Variants in CD82 observed in about 807,000 individuals in gnomAD.
The protein encoded by CD82 is CD82 molecule, also known as CD82 antigen.
Under a neutral mutation model 37.4 loss-of-function variants are expected in CD82, and 36 were observed. The ratio of observed to expected loss-of-function variants is 0.96; its 90% CI spans 0.74 to 1.27. The LOEUF (loss-of-function observed/expected upper bound fraction) is 1.27, where lower values mean the gene tolerates loss of function less well. CD82 is among the 50% of genes most tolerant of loss of function. CD82 has a pLI of 0.00. For synonymous variants in CD82, 158 were observed against 137.4 expected (o/e 1.15, Z -1.05); for missense variants, 340 against 347.0 (o/e 0.98, Z 0.16).
At chr11:44,603,553 G>A (rs1853343661) in intron 4 of CD82, among the ~76,000 whole-genome samples, 1 of 152,134 alleles carries the variant, frequency 6.6e-6, no homozygotes, top group African/African-American at 2.4e-5. Flanking sequence ...GTCTTGGTCG[G>A]GTTGTAACGG....
intron 2 of CD82, among the ~76,000 whole-genome samples, 185 bp from the exon 3 acceptor site, chr11:44,594,458 C>T (rs1417270235): frequency 1.3e-5 from 2 of 152,180 alleles, no homozygotes; most frequent in Non-Finnish European, 2.9e-5. Context: ...GCATCAAGTG[C>T]CTGGCACACA....
intron 1 of CD82, among the ~76,000 whole-genome samples, chr11:44,569,298 G>C (rs1267380344): frequency 6.6e-6 from 1 of 152,164 alleles, no homozygotes; most frequent in African/African-American, 2.4e-5. Flanking sequence ...AACAGGCCCA[G>C]CTGGTGTCTC....
chr11:44,585,801 C>T (rs1853046111), intron 1 of CD82, among the ~76,000 whole-genome samples: 1 of 152,216 alleles, frequency 6.6e-6, no homozygotes, highest in African/African-American at 2.4e-5. Context: ...TCATGCTTAG[C>T]CCAAGCTGCC....
At chr11:44,564,749 C>T (rs1852703047), upstream of CD82, among the ~76,000 whole-genome samples, 1 of 152,206 alleles carries the variant, frequency 6.6e-6, no homozygotes, top group Admixed American at 6.5e-5. Context: ...TTGTTCTGGG[C>T]TACTTCCCCA....
chr11:44,568,308 G>A (rs928135242), intron 1 of CD82, among the ~76,000 whole-genome samples: 2 of 152,192 alleles, frequency 1.3e-5, no homozygotes, highest in Non-Finnish European at 2.9e-5. Flanking sequence ...GGCACCATTG[G>A]AGGGGTGGGA....
intron 3 of CD82, 61 bp from the exon 4 acceptor site, chr11:44,600,097 G>T: frequency 6.4e-7 from 1 of 1,557,522 alleles, no homozygotes; most frequent in Non-Finnish European, 8.9e-7. Context: ...TCCAGGGACA[G>T]CTGGCAGGGG....
chr11:44,595,845 G>A (rs1472797945), intron 3 of CD82, among the ~76,000 whole-genome samples: 2 of 144,672 alleles, frequency 1.4e-5, no homozygotes, highest in East Asian at 4.1e-4. Context: ...CAAGGCAGGA[G>A]GATTGTTTGA....
At chr11:44,568,683 C>T (rs78327435) in intron 1 of CD82, among the ~76,000 whole-genome samples, 7,359 of 152,248 alleles carry the variant, frequency 0.048, 209 homozygotes, top group African/African-American at 0.066. Flanking sequence ...ATTTTGGCTT[C>T]CCTGGGCTCC....
At chr11:44,617,388 G>A (rs914842151) in intron 7 of CD82, among the ~76,000 whole-genome samples, 3 of 151,920 alleles carry the variant, frequency 2.0e-5, no homozygotes, top group Non-Finnish European at 4.4e-5. Context: ...GTGAAACCCC[G>A]TCTCTACTAA....
chr11:44,573,609 T>C (rs1852846000), intron 1 of CD82, among the ~76,000 whole-genome samples: 1 of 152,240 alleles, frequency 6.6e-6, no homozygotes, highest in African/African-American at 2.4e-5. Flanking sequence ...TCTTATCTGC[T>C]TTCTCTGCCC....
chr11:44,594,627 G>A lies in CD82; in HGVS notation c.-20-16G>A. Reference sequence around the variant, plus strand: ...AGCTGATCCCCTCACTGGCCTGCCTGCCTTCTCTCTTCCAGGAAGCTCCAG... The same window carrying A: ...AGCTGATCCCCTCACTGGCCTGCCTACCTTCTCTCTTCCAGGAAGCTCCAG... On this transcript the variant is annotated splice_polypyrimidine_tract_variant and intron_variant, in intron 2 of 9. Transcript: ENST00000227155. The A allele has an allele frequency of 6.4e-7, 1 of 1,568,590 alleles. No homozygotes were observed. The highest frequency in any genetic ancestry group is 8.8e-7 in the Non-Finnish European group (1 of 1,138,454).
At chr11:44,586,727 C>T (rs1565084461) in intron 1 of CD82, among the ~76,000 whole-genome samples, 1 of 152,194 alleles carries the variant, frequency 6.6e-6, no homozygotes, top group African/African-American at 2.4e-5. Context: ...CCCAATCCAG[C>T]GATATCATTC....
At chr11:44,614,204 T>C (rs902356476) in intron 6 of CD82, among the ~76,000 whole-genome samples, 1 of 152,110 alleles carries the variant, frequency 6.6e-6, no homozygotes, top group African/African-American at 2.4e-5. Flanking sequence ...GACCATATAG[T>C]TGATACCGAA....
chr11:44,613,023 C>T (rs1853508632), intron 6 of CD82, among the ~76,000 whole-genome samples: 1 of 152,132 alleles, frequency 6.6e-6, no homozygotes, highest in Non-Finnish European at 1.5e-5. Context: ...GCACAGCGTT[C>T]ATTCAAGGAC....
chr11:44,598,913 T>G (rs1158692594), intron 3 of CD82, among the ~76,000 whole-genome samples: 1 of 152,176 alleles, frequency 6.6e-6, no homozygotes, highest in Non-Finnish European at 1.5e-5. Flanking sequence ...GTGGGCCCAG[T>G]CCAGGCCCCC....
chr11:44,592,602 G>A (rs564976001), intron 2 of CD82, among the ~76,000 whole-genome samples: 1 of 152,228 alleles, frequency 6.6e-6, no homozygotes, highest in Non-Finnish European at 1.5e-5. Context: ...GGAGGTGAGA[G>A]AGAGGAAAAA....
chr11:44,605,177 G>A lies in CD82; in HGVS notation c.256G>A (p.Gly86Arg). Reference sequence around the variant, plus strand: ...CGTCAACGAGGTCCGCTGCCTGCTGGGGCTGGTGAGTACGGATCCCTCCGC... The same window carrying A: ...CGTCAACGAGGTCCGCTGCCTGCTGAGGCTGGTGAGTACGGATCCCTCCGC... ...GAVNEVRCLL[G>R]LYFAFLLLIL... Residue 86 changes from glycine to arginine, a missense_variant, in exon 5 of 10, where the codon GGG becomes AGG. Gly to Arg is a moderately radical substitution (Grantham distance 125). Coordinates refer to ENST00000227155, the MANE Select transcript of CD82 (RefSeq NM_002231.4). 6.2e-7 allele frequency: 1 copy of A among 1,613,974 alleles called. No homozygotes were observed. Among genetic ancestry groups the A allele is most frequent in the Non-Finnish European group, 8.5e-7 (1 of 1,179,974 alleles).
At chr11:44,600,600 G>A (rs1853293683) in intron 4 of CD82, among the ~76,000 whole-genome samples, 1 of 152,204 alleles carries the variant, frequency 6.6e-6, no homozygotes, top group African/African-American at 2.4e-5. Context: ...ATTTCACAGG[G>A]ATGTAGGAAA....
In CD82 at chr11:44,618,656, T is replaced by G; in HGVS notation, c.659T>G (p.Val220Gly). 6.2e-7 allele frequency: 1 copy of G among 1,612,370 alleles called. No individual in the cohort carries two copies. Among genetic ancestry groups the G allele is most frequent in the Non-Finnish European group, 8.5e-7 (1 of 1,179,900 alleles). Residue 220 changes from valine (V) to glycine (G), a missense_variant, in exon 9 of 10, where the codon GTG becomes GGG. Val to Gly is a moderately radical substitution (Grantham distance 109). Transcript: ENST00000227155. ...PVYQEGCMEKVQAWLQENLGI... is the reference protein window; with the variant it reads ...PVYQEGCMEKGQAWLQENLGI... ...CCCTTGCAGGGCTGCATGGAGAAGG[T>G]GCAGGCGTGGCTGCAGGAGAACCTG... is the stretch of plus-strand genomic sequence containing the variant.
Sources: gnomAD v4.1 joint callset for allele counts (sites outside exome capture counted in the v4.1 genomes callset) on GRCh38, gnomAD v4.1.1 for gene constraint, MANE v1.5 for transcripts, NCBI Gene and HGNC (gene_info 2026-07-23, HGNC 2026-07-21) for gene names.